Variants in OPN4 observed in about 807,000 individuals in gnomAD.
The protein encoded by OPN4 is opsin 4, also known as melanopsin.
Under a neutral mutation model 49.5 loss-of-function variants are expected in OPN4, and 43 were observed. The observed-to-expected ratio is 0.87, with a 90% CI of 0.68 to 1.12. The LOEUF (loss-of-function observed/expected upper bound fraction) is 1.12, where lower values mean the gene tolerates loss of function less well. Ranked by LOEUF, OPN4 falls within the 50% of genes most tolerant of loss-of-function variation. The probability of loss-of-function intolerance (pLI) is 0.00; values close to 1 mark genes in which losing one functional copy is unlikely to be tolerated. For synonymous variants in OPN4, 263 were observed against 258.0 expected (o/e 1.02, Z -0.19); for missense variants, 657 against 643.9 (o/e 1.02, Z -0.22).
rs1186920262 is a variant in OPN4, at chr10:86,659,294, C to G, written c.629-3C>G. On this transcript the variant is annotated splice_polypyrimidine_tract_variant and splice_region_variant and intron_variant, in intron 4 of 9. Coordinates refer to ENST00000241891, the MANE Select transcript of OPN4 (RefSeq NM_033282.4). Reference sequence around the variant, plus strand: ...AAGGCTGAGCACCTGCCCTGGCTCCCAGGCGCCTACGTGCCCGAGGGGTTG... The same window carrying G: ...AAGGCTGAGCACCTGCCCTGGCTCCGAGGCGCCTACGTGCCCGAGGGGTTG... 5.0e-6 allele frequency: 8 copies of G among 1,609,882 alleles called. No homozygotes were observed. Among genetic ancestry groups the G allele is most frequent in the Non-Finnish European group, 6.8e-6 (8 of 1,179,020 alleles).
Position 86,654,809 on chromosome 10 carries a change from T to TCCCACC in OPN4, c.29_30insACCCCC (p.Pro10_Pro11dup). Reference sequence around the variant, plus strand: ...ATGAACCCTCCTTCGGGGCCAAGAGTCCCGCCCAGCCCAACCCAAGAGCCC... The same window carrying TCCCACC: ...ATGAACCCTCCTTCGGGGCCAAGAGTCCCACCCCCGCCCAGCCCAACCCAAGAGCCC... On this transcript the variant is annotated inframe_insertion, in exon 1 of 10. Transcript: ENST00000241891. 1 of 1,554,832 alleles carries TCCCACC rather than the reference T, an allele frequency of 6.4e-7. No homozygotes were observed.
In OPN4 at chr10:86,659,855, A is replaced by G. The variant is rs372569516; in HGVS notation, c.801-40A>G. The G allele has an allele frequency of 3.1e-6, 5 of 1,605,420 alleles. No homozygotes were observed. The African/African-American group carries it at 4.0e-5, about 13-fold the overall frequency. On this transcript the variant is annotated intron_variant, in intron 5 of 9. Coordinates refer to ENST00000241891, the MANE Select transcript of OPN4 (RefSeq NM_033282.4). ...AGCCGTGACCCTGGTGCTGACTGCCACCCGACTAGGGTCAGACCTGGACGA... is the reference window on the plus strand; with the variant it reads ...AGCCGTGACCCTGGTGCTGACTGCCGCCCGACTAGGGTCAGACCTGGACGA...
At position 86,656,226 on chromosome 10, in the gene OPN4, C is replaced by T. The variant is rs1843860251; in HGVS notation, c.216C>T (p.Thr72=). The T allele has an allele frequency of 6.2e-7, 1 of 1,614,038 alleles. No homozygotes were observed. Among genetic ancestry groups the T allele is most frequent in the East Asian group, 2.2e-5 (1 of 44,880 alleles). ...TVDVPDHAHY[T]LGTVILLVGL... is the part of the protein sequence containing the mutation. The stretch of plus-strand genomic sequence containing the variant: ...ATGTTCCAGACCATGCCCACTATAC[C>T]CTGGGCACAGTGATCTTGCTGGTGG... Residue 72 remains threonine, a synonymous_variant, in exon 2 of 10, where the codon ACC becomes ACT. Transcript: ENST00000241891.
chr10:86,657,954 T>C (rs1293660633), intron 2 of OPN4, 78 bp from the exon 3 acceptor site: 2 of 1,487,354 alleles, frequency 1.3e-6, no homozygotes, highest in African/African-American at 2.8e-5. Flanking sequence ...TGCACATGCA[T>C]ACCTGAGGGG....
intron 4 of OPN4, among the ~76,000 whole-genome samples, 190 bp downstream of exon 4, chr10:86,658,877 C>T (rs1005944388): frequency 6.6e-6 from 1 of 152,136 alleles, no homozygotes; most frequent in Non-Finnish European, 1.5e-5. Flanking sequence ...CCATCAGGGG[C>T]CAAAGGATCT....
rs199878852 is a variant in OPN4, at chr10:86,662,400, C to T, written c.1222C>T (p.Arg408Cys). ...SNLSWISIRR[R>C]QESLGSESEV... ...CCTCAGCTGGATCTCCATACGGAGGCGCCAGGAGTCCCTGGGCTCGGAGAG... is the reference window on the plus strand; with the variant it reads ...CCTCAGCTGGATCTCCATACGGAGGTGCCAGGAGTCCCTGGGCTCGGAGAG... Residue 408 changes from arginine (R) to cysteine (C), a missense_variant, in exon 8 of 10, where the codon CGC (arginine) becomes TGC (cysteine). Transcript: ENST00000241891. 384 of 1,560,698 alleles carry T rather than the reference C, an allele frequency of 2.5e-4. 4 individuals are homozygous for T. In the East Asian group the frequency reaches 8.6e-3, roughly 35 times the overall value.
chr10:86,661,306 A>C lies in OPN4; in HGVS notation c.991A>C (p.Met331Leu). 1.9e-6 allele frequency: 3 copies of C among 1,613,868 alleles called. No homozygotes were observed. Among genetic ancestry groups the C allele is most frequent in the Non-Finnish European group, 2.5e-6 (3 of 1,179,936 alleles). Residue 331 changes from methionine to leucine, a missense_variant, in exon 7 of 10, where the codon ATG (methionine) becomes CTG (leucine). Coordinates refer to ENST00000241891, the MANE Select transcript of OPN4 (RefSeq NM_033282.4). The part of the protein sequence containing the change: ...AGYAHVLTPY[M>L]SSVPAVIAKA... ...GTACGCACACGTCCTGACACCCTAC[A>C]TGAGCTCGGTGCCAGCCGTCATCGC... is the stretch of plus-strand genomic sequence containing the variant.
Position 86,659,490 on chromosome 10 carries a change from G to A in OPN4, c.800+22G>A, listed in dbSNP as rs751156688. Reference sequence around the variant, plus strand: ...GACGGTAAGAGCCGAGCATGGAGGGGGGCTACAGGAGGGGGACCGGCCCCT... The same window carrying A: ...GACGGTAAGAGCCGAGCATGGAGGGAGGCTACAGGAGGGGGACCGGCCCCT... On this transcript the variant is annotated intron_variant, in intron 5 of 9. Transcript: ENST00000241891. 53 of 1,611,494 alleles carry A rather than the reference G, an allele frequency of 3.3e-5. No homozygotes were observed. In the South Asian group the frequency reaches 5.5e-4, roughly 17 times the overall value.
intron 2 of OPN4, chr10:86,657,062 G>A: frequency 3.1e-6 from 2 of 648,586 alleles, no homozygotes; most frequent in Non-Finnish European, 5.7e-6. Flanking sequence ...CTGGCTCAGT[G>A]GCTGAGACAG....
intron 6 of OPN4, among the ~76,000 whole-genome samples, chr10:86,660,631 A>C (rs905695894): frequency 9.9e-5 from 15 of 152,180 alleles, no homozygotes; most frequent in African/African-American, 3.6e-4. Context: ...AAGAGAGGGC[A>C]TCACGGTTGG....
intron 5 of OPN4, 112 bp from the exon 6 acceptor site, chr10:86,659,783 T>C: frequency 8.6e-7 from 1 of 1,156,858 alleles, no homozygotes; most frequent in Non-Finnish European, 1.2e-6. Context: ...GGAATGACAC[T>C]CTCACGAGTG....
intron 3 of OPN4, 86 bp downstream of exon 3, chr10:86,658,251 T>C: frequency 6.5e-7 from 1 of 1,538,728 alleles, no homozygotes; most frequent in Non-Finnish European, 8.8e-7. Flanking sequence ...CCAAAGGAGG[T>C]GATTTGCTGC....
chr10:86,661,615 G>A (rs1165601876), intron 7 of OPN4, among the ~76,000 whole-genome samples: 2 of 152,064 alleles, frequency 1.3e-5, no homozygotes, highest in Non-Finnish European at 2.9e-5. Context: ...TCCCTGGGCA[G>A]TGTCCAGTCC....
rs1844003354 is a variant in OPN4 at position 86,661,381 on chromosome 10, A to G, written c.1066A>G (p.Lys356Glu). The G allele has an allele frequency of 1.9e-6, 3 of 1,612,582 alleles. No homozygotes were observed. The highest frequency in any genetic ancestry group is 2.5e-6 in the Non-Finnish European group (3 of 1,178,792). ...NPIIYAITHP[K>E]YRVAIAQHLP... Reference sequence around the variant, plus strand: ...CATCATTTACGCCATCACCCACCCCAAGTACAGGTGTGGCTCTTTTCCAGA... The same window carrying G: ...CATCATTTACGCCATCACCCACCCCGAGTACAGGTGTGGCTCTTTTCCAGA... Residue 356 changes from lysine (K) to glutamate (E), a missense_variant, in exon 7 of 10, where the codon AAG becomes GAG. Coordinates refer to ENST00000241891, the MANE Select transcript of OPN4 (RefSeq NM_033282.4).
Position 86,658,652 on chromosome 10 carries a change from C to A in OPN4, c.593C>A (p.Ala198Asp). 6.2e-7 allele frequency: 1 copy of A among 1,613,696 alleles called. No individual in the cohort carries two copies. Among genetic ancestry groups the A allele is most frequent in the Non-Finnish European group, 8.5e-7 (1 of 1,180,048 alleles). Residue 198 changes from alanine to aspartate, a missense_variant, in exon 4 of 10, where the codon GCC becomes GAC. Coordinates refer to ENST00000241891, the MANE Select transcript of OPN4 (RefSeq NM_033282.4). ...AFVLLGVWLY[A>D]LAWSLPPFFG... ...GTCCTGCTGGGCGTTTGGCTCTATG[C>A]CCTGGCCTGGAGTCTGCCACCCTTC...
chr10:86,661,562 G>A (rs994987306), intron 7 of OPN4, among the ~76,000 whole-genome samples, 174 bp downstream of exon 7: 5 of 152,076 alleles, frequency 3.3e-5, no homozygotes, highest in Admixed American at 6.6e-5. Context: ...TCCCTCCCCC[G>A]CCCCAGCTTC....
intron 8 of OPN4, 48 bp from the exon 9 acceptor site, chr10:86,663,611 C>T (rs1402175317): frequency 6.9e-7 from 1 of 1,459,238 alleles, no homozygotes; most frequent in Non-Finnish European, 9.1e-7. Flanking sequence ...AGGAGCAAAG[C>T]TACGGACTGT....
At chr10:86,662,456 G>T in intron 8 of OPN4, 24 bp downstream of exon 8, 1 of 1,536,200 alleles carries the variant, frequency 6.5e-7, no homozygotes, top group Non-Finnish European at 8.7e-7. Context: ...GCCCTCACCA[G>T]CTTGCGCCTG....
At chr10:86,657,109 C>T (rs1306293291) in intron 2 of OPN4, 6 of 757,704 alleles carry the variant, frequency 7.9e-6, no homozygotes, top group East Asian at 4.9e-5. Context: ...CAGGGCCACA[C>T]AGCCCCCTGG....
Sources: allele counts gnomAD v4.1 joint callset (sites outside exome capture counted in the v4.1 genomes callset), GRCh38; gene constraint gnomAD v4.1.1; transcripts MANE v1.5; gene names NCBI Gene and HGNC (gene_info 2026-07-23, HGNC 2026-07-21).